CNKSR3: variants seen among roughly 807,000 people sequenced by gnomAD.
The protein encoded by CNKSR3 is connector enhancer of kinase suppressor of ras 3.
Under a neutral mutation model 67.7 loss-of-function variants are expected in CNKSR3, and 36 were observed. The ratio of observed to expected loss-of-function variants is 0.53; its 90% CI spans 0.41 to 0.70. CNKSR3 has a LOEUF of 0.70. Ranked by LOEUF, CNKSR3 falls within the 30% of genes least tolerant of loss-of-function variation. The pLI, the probability that CNKSR3 is intolerant of heterozygous loss-of-function variation, is 0.00. For synonymous variants in CNKSR3, 281 were observed against 271.4 expected (o/e 1.04, Z -0.35); for missense variants, 630 against 695.2 (o/e 0.91, Z 1.05).
chr6:154,491,767 T>A (rs934741936), intron 1 of CNKSR3, among the ~76,000 whole-genome samples: 3 of 152,244 alleles, frequency 2.0e-5, no homozygotes, highest in Non-Finnish European at 4.4e-5. Flanking sequence ...AATGGCATTG[T>A]TAGTATTAAA....
chr6:154,405,155 A>G lies in CNKSR3; in HGVS notation c.*1199T>C, dbSNP rs1310899922. ...TCCATAAAATCCCAAAATGCTTGGG[A>G]GGGTTTATTTTGATTTTTTTTAACA... On this transcript the variant is annotated 3_prime_UTR_variant, in exon 13 of 13. Coordinates refer to ENST00000607772, the MANE Select transcript of CNKSR3 (RefSeq NM_173515.4). The G allele has an allele frequency of 2.6e-5, 4 of 152,400 alleles. No individual in the cohort carries two copies. The highest frequency in any genetic ancestry group is 9.7e-5 in the African/African-American group (4 of 41,384). The allele number at this position is 152,400 out of a possible 1,614,324, so 9.4% of individuals were successfully genotyped here. A position where few individuals can be genotyped will look rare whatever the true frequency, so the allele number is the denominator to read the frequency against.
intron 1 of CNKSR3, among the ~76,000 whole-genome samples, chr6:154,459,891 G>A (rs1457630089): frequency 6.6e-6 from 1 of 152,232 alleles, no homozygotes; most frequent in African/African-American, 2.4e-5. Context: ...CTCATTTGAG[G>A]TTTCTGAATG....
chr6:154,509,959 A>T, intron 1 of CNKSR3, 104 bp downstream of exon 1: 1 of 1,282,502 alleles, frequency 7.8e-7, no homozygotes, highest in Non-Finnish European at 1.1e-6. Flanking sequence ...CTGTGCCCTC[A>T]CCGCTTCTCG....
At chr6:154,470,643 A>G (rs748339902) in intron 1 of CNKSR3, among the ~76,000 whole-genome samples, 5 of 152,204 alleles carry the variant, frequency 3.3e-5, no homozygotes, top group Non-Finnish European at 7.3e-5. Context: ...GCTGACTAAT[A>G]TTCCATTGTA....
rs531156377 is a variant in CNKSR3 at position 154,396,046 on chromosome 6, T to C, written c.*10308A>G. On this transcript the variant is annotated 3_prime_UTR_variant, in exon 13 of 13. Coordinates refer to ENST00000607772, the MANE Select transcript of CNKSR3 (RefSeq NM_173515.4). ...TGTGCCCAGCCAGCCTTAGTATTTA[T>C]AGACCTGGTTTCCTCAGGTCCAAAT... is the stretch of plus-strand genomic sequence containing the variant. 1.3e-5 allele frequency: 2 copies of C among 152,362 alleles called. No individual in the cohort carries two copies. Among genetic ancestry groups the C allele is most frequent in the African/African-American group, 4.8e-5 (2 of 41,576 alleles). 9.4% of individuals were successfully genotyped at this position (152,362 alleles called of 1,614,324 possible). A position where few individuals can be genotyped will look rare whatever the true frequency, so the allele number is the denominator to read the frequency against.
At chr6:154,422,705 A>T in intron 8 of CNKSR3, 53 bp from the exon 9 acceptor site, 3 of 1,593,422 alleles carry the variant, frequency 1.9e-6, no homozygotes, top group African/African-American at 1.3e-5. Context: ...AACGAAAAAA[A>T]CCGAACCTAT....
At chr6:154,435,463 T>C (rs984875665) in intron 4 of CNKSR3, among the ~76,000 whole-genome samples, 2 of 152,092 alleles carry the variant, frequency 1.3e-5, no homozygotes, top group African/African-American at 4.8e-5. Context: ...GAATATCGGT[T>C]CCCTGCAGTG....
chr6:154,414,788 T>C (rs762048584), intron 9 of CNKSR3: 1 of 505,466 alleles, frequency 2.0e-6, no homozygotes, highest in East Asian at 5.7e-5. Context: ...TTAGATGAGT[T>C]AGTTCATGAA....
rs2128709510 is a variant in CNKSR3, at chr6:154,403,019, T to C, written c.*3335A>G. The C allele has an allele frequency of 6.6e-6, 1 of 152,356 alleles. No individual in the cohort carries two copies. The highest frequency in any genetic ancestry group is 2.1e-4 in the South Asian group (1 of 4,830). 9.4% of individuals were successfully genotyped at this position (152,356 alleles called of 1,614,324 possible). Reference sequence around the variant, plus strand: ...TGTTTTAGAGGCTAGTTATATTACCTGCTAGTTTCATTTCAGAATAGTAAA... The same window carrying C: ...TGTTTTAGAGGCTAGTTATATTACCCGCTAGTTTCATTTCAGAATAGTAAA... On this transcript the variant is annotated 3_prime_UTR_variant, in exon 13 of 13. Coordinates refer to ENST00000607772, the MANE Select transcript of CNKSR3 (RefSeq NM_173515.4).
rs1054550 is a variant in CNKSR3, at chr6:154,411,020, G to A, written c.1193C>T (p.Thr398Ile). 1 of 1,614,148 alleles carries A rather than the reference G, an allele frequency of 6.2e-7. No individual in the cohort carries two copies. Among genetic ancestry groups the A allele is most frequent in the Non-Finnish European group, 8.5e-7 (1 of 1,180,006 alleles). Residue 398 changes from threonine to isoleucine, a missense_variant, in exon 11 of 13, where the codon ACC becomes ATC. Physicochemically the swap from Thr to Ile is moderately conservative, Grantham distance 89 (BLOSUM62 -1). This residue lies in a region of CNKSR3 where 308 missense variants were observed against 299.6 expected (regional missense o/e 1.03). Transcript: ENST00000607772. ...LDQESRRRRF[T>I]IADSDQLPGY... ...AGGCAACTGATCCGAGTCTGCAATG[G>A]TGAATCTTCGTCTCCGGCTTTCCTG...
chr6:154,411,155 A>G lies in CNKSR3; in HGVS notation c.1071-13T>C. On this transcript the variant is annotated splice_polypyrimidine_tract_variant and intron_variant, in intron 10 of 12. Transcript: ENST00000607772. Reference sequence around the variant, plus strand: ...GCCATTCTCATCCCTGGAAGATAATATGGACAATAATTAAGTTGTTTACAA... The same window carrying G: ...GCCATTCTCATCCCTGGAAGATAATGTGGACAATAATTAAGTTGTTTACAA... The G allele has an allele frequency of 6.4e-7, 1 of 1,572,584 alleles. No individual in the cohort carries two copies.
intron 4 of CNKSR3, among the ~76,000 whole-genome samples, chr6:154,437,171 T>C (rs1400127485): frequency 6.6e-6 from 1 of 151,968 alleles, no homozygotes; most frequent in African/African-American, 2.4e-5. Flanking sequence ...TTCCTCCAAT[T>C]CCCCAGTTAA....
intron 2 of CNKSR3, among the ~76,000 whole-genome samples, chr6:154,443,409 C>T (rs961940422): frequency 1.4e-4 from 22 of 152,104 alleles, no homozygotes; most frequent in African/African-American, 3.6e-4. Flanking sequence ...GTACCTCCTC[C>T]CCCGGTGTGA....
chr6:154,388,650 T>A lies in CNKSR3; in HGVS notation c.*17704A>T, dbSNP rs1432272231. The A allele has an allele frequency of 6.6e-6, 1 of 152,306 alleles. No individual in the cohort carries two copies. Among genetic ancestry groups the A allele is most frequent in the East Asian group, 1.9e-4 (1 of 5,184 alleles). 9.4% of individuals were successfully genotyped at this position (152,306 alleles called of 1,614,324 possible). A position where few individuals can be genotyped will look rare whatever the true frequency, so the allele number is the denominator to read the frequency against. On this transcript the variant is annotated 3_prime_UTR_variant, in exon 13 of 13. Transcript: ENST00000607772. ...CATCAACAGTATGCAAGGGTTCCAA[T>A]TTGTCCACTTCTTCACCAATATTTG...
At chr6:154,500,256 A>AACAC (rs5881088) in intron 1 of CNKSR3, among the ~76,000 whole-genome samples, 3,918 of 147,278 alleles carry the variant, frequency 0.027, 77 homozygotes, top group African/African-American at 0.054. Context: ...TAAAATTAGA[A>AACAC]ACACACACAC....
intron 1 of CNKSR3, among the ~76,000 whole-genome samples, chr6:154,491,144 G>A (rs1786777551): frequency 6.6e-6 from 1 of 152,112 alleles, no homozygotes; most frequent in African/African-American, 2.4e-5. Flanking sequence ...ACCGCGCCCG[G>A]CCCAGGTCTC....
At chr6:154,506,421 T>A (rs1787104894) in intron 1 of CNKSR3, among the ~76,000 whole-genome samples, 1 of 152,202 alleles carries the variant, frequency 6.6e-6, no homozygotes, top group African/African-American at 2.4e-5. Flanking sequence ...GAGGTGGCCA[T>A]GTGACATTTC....
At position 154,411,145 on chromosome 6, in the gene CNKSR3, G is replaced by A. The variant is rs1189729223; in HGVS notation, c.1071-3C>T. On this transcript the variant is annotated splice_polypyrimidine_tract_variant and splice_region_variant and intron_variant, in intron 10 of 12. Coordinates refer to ENST00000607772, the MANE Select transcript of CNKSR3 (RefSeq NM_173515.4). The stretch of plus-strand genomic sequence containing the variant: ...AAACAAAACTGCCATTCTCATCCCT[G>A]GAAGATAATATGGACAATAATTAAG... 1.9e-6 allele frequency: 3 copies of A among 1,599,964 alleles called. No individual in the cohort carries two copies. Among genetic ancestry groups the A allele is most frequent in the Non-Finnish European group, 2.6e-6 (3 of 1,168,478 alleles).
rs952373599 is a variant in CNKSR3 at position 154,389,127 on chromosome 6, C to T, written c.*17227G>A. On this transcript the variant is annotated 3_prime_UTR_variant, in exon 13 of 13. Coordinates refer to ENST00000607772, the MANE Select transcript of CNKSR3 (RefSeq NM_173515.4). ...ACTTTGCTTATTTTTGTTTTTGTTG[C>T]CTGTGTTTTGGGGGTCATATCCATG... 6.6e-6 allele frequency: 1 copy of T among 151,978 alleles called. No individual in the cohort carries two copies. The highest frequency in any genetic ancestry group is 2.4e-5 in the African/African-American group (1 of 41,380). The allele number at this position is 151,978 out of a possible 1,614,324, so 9.4% of individuals were successfully genotyped here.
Sources: allele counts gnomAD v4.1 joint callset (sites outside exome capture counted in the v4.1 genomes callset), GRCh38; gene constraint gnomAD v4.1.1; regional missense constraint gnomAD v4.1.1; transcripts MANE v1.5; gene names NCBI Gene and HGNC (gene_info 2026-07-23, HGNC 2026-07-21).